Variants in SEMA3A observed in about 807,000 individuals in gnomAD.
The protein encoded by SEMA3A is semaphorin-3A.
In SEMA3A, 29 loss-of-function variants were observed where a neutral mutation model predicts 97.9. That is an observed-to-expected ratio of 0.30 (90% CI 0.22 to 0.40). The LOEUF (loss-of-function observed/expected upper bound fraction) is 0.40. Among genes scored for constraint, SEMA3A ranks in the 10% least tolerant of loss-of-function variants. The pLI, the probability that SEMA3A is intolerant of heterozygous loss-of-function variation, is 1.00. For synonymous variants in SEMA3A, 321 were observed against 323.7 expected (o/e 0.99, Z 0.09); for missense variants, 763 against 951.3 (o/e 0.80, Z 2.60).
chr7:84,092,872 T>C (rs1292142045), intron 4 of SEMA3A, among the ~76,000 whole-genome samples: 1 of 152,114 alleles, frequency 6.6e-6, no homozygotes, highest in East Asian at 1.9e-4. Flanking sequence ...GTGTAAATGT[T>C]ATTATGAAGA....
intron 2 of SEMA3A, among the ~76,000 whole-genome samples, chr7:84,366,830 C>A (rs192181068): frequency 1.1e-4 from 16 of 151,418 alleles, no homozygotes; most frequent in Admixed American, 1.3e-4. Context: ...TATTCCAACA[C>A]TAACCATATA....
intron 1 of SEMA3A, among the ~76,000 whole-genome samples, chr7:84,429,846 A>G (rs1438446764): frequency 6.6e-6 from 1 of 151,724 alleles, no homozygotes; most frequent in Admixed American, 6.6e-5. Flanking sequence ...GAGGAAGAAA[A>G]TGAGGCAGGA....
intron 4 of SEMA3A, among the ~76,000 whole-genome samples, chr7:84,095,865 G>A (rs1012372013): frequency 8.6e-5 from 13 of 151,442 alleles, no homozygotes; most frequent in African/African-American, 3.1e-4. Context: ...CTAAAGTATT[G>A]AAACAATATT....
intron 1 of SEMA3A, among the ~76,000 whole-genome samples, chr7:84,410,305 G>A (rs868154016): frequency 6.6e-6 from 1 of 151,902 alleles, no homozygotes; most frequent in Admixed American, 6.6e-5. Context: ...TGAGAATTGA[G>A]TGCAGTTTTT....
At chr7:84,350,877 T>C (rs1453014979) in intron 2 of SEMA3A, among the ~76,000 whole-genome samples, 2 of 152,284 alleles carry the variant, frequency 1.3e-5, no homozygotes, top group African/African-American at 2.4e-5. Context: ...ATAGTTAACA[T>C]GATTGGTCCT....
intron 3 of SEMA3A, among the ~76,000 whole-genome samples, chr7:84,220,369 G>A (rs1438660672): frequency 6.6e-6 from 1 of 152,038 alleles, no homozygotes; most frequent in Non-Finnish European, 1.5e-5. Context: ...CATGAGGATT[G>A]GAATCGACTT....
chr7:83,990,103 G>A (rs1484340918), intron 12 of SEMA3A, among the ~76,000 whole-genome samples: 1 of 151,824 alleles, frequency 6.6e-6, no homozygotes, highest in Non-Finnish European at 1.5e-5. Flanking sequence ...TTTTTTGGCT[G>A]CATAAATATC....
intron 3 of SEMA3A, among the ~76,000 whole-genome samples, chr7:84,305,238 TAAA>T (rs752314875): frequency 6.8e-5 from 8 of 118,158 alleles, no homozygotes; most frequent in Admixed American, 8.8e-5. Context: ...TTACTTCCAG[TAAA>T]AAAAAAAAAA....
chr7:84,256,853 C>A (rs1009045013), intron 3 of SEMA3A, among the ~76,000 whole-genome samples: 2 of 152,068 alleles, frequency 1.3e-5, no homozygotes, highest in Non-Finnish European at 2.9e-5. Flanking sequence ...GATGGCCAAG[C>A]ATTACTTCTT....
intron 1 of SEMA3A, among the ~76,000 whole-genome samples, chr7:84,191,255 T>C (rs905858687): frequency 6.9e-6 from 1 of 144,316 alleles, no homozygotes; most frequent in African/African-American, 2.5e-5. Flanking sequence ...CTTTAGAAAA[T>C]AGAAAAAAGA....
chr7:84,132,426 A>C (rs2116033378), intron 2 of SEMA3A, among the ~76,000 whole-genome samples: 1 of 152,088 alleles, frequency 6.6e-6, no homozygotes, highest in East Asian at 1.9e-4. Context: ...TAATTTGATT[A>C]TTTTCAGTTT....
At chr7:84,137,273 T>C (rs930028635) in intron 1 of SEMA3A, among the ~76,000 whole-genome samples, 2 of 151,376 alleles carry the variant, frequency 1.3e-5, no homozygotes, top group Non-Finnish European at 2.9e-5. Context: ...TGATGGCGGG[T>C]GCCTGTAATC....
intron 2 of SEMA3A, among the ~76,000 whole-genome samples, chr7:84,322,725 C>T (rs561180168): frequency 1.3e-5 from 2 of 152,154 alleles, no homozygotes; most frequent in East Asian, 3.9e-4. Context: ...TCATTAGCAG[C>T]GTGAGAACAG....
Position 84,303,053 on chromosome 7 carries a change from G to A in SEMA3A, c.-83+4154C>T, listed in dbSNP as rs1444994097. On this transcript the variant is annotated intron_variant, in intron 3 of 3. Transcript: ENST00000424555. ...AACTACTCCATCTGAATTTGAAGTT[G>A]GACTTGTGCAAACATGCAATGAAGT... Among the ~76,000 whole-genome samples, 5 of 152,160 alleles carry A rather than the reference G, an allele frequency of 3.3e-5. No individual in the cohort carries two copies. The East Asian group carries it at 7.7e-4, about 23-fold the overall frequency.
chr7:84,196,403 G>A (rs1469472942), upstream of SEMA3A, among the ~76,000 whole-genome samples: 2 of 149,314 alleles, frequency 1.3e-5, no homozygotes, highest in Non-Finnish European at 3.0e-5. Flanking sequence ...CTCTGCCGTT[G>A]GATGTGTGGC....
chr7:84,027,096 C>T (rs771153608), intron 6 of SEMA3A, among the ~76,000 whole-genome samples: 1 of 151,938 alleles, frequency 6.6e-6, no homozygotes, highest in Non-Finnish European at 1.5e-5. Flanking sequence ...CAATATTTTA[C>T]AATATTTACA....
intron 3 of SEMA3A, among the ~76,000 whole-genome samples, chr7:84,262,094 G>A (rs912274788): frequency 2.2e-5 from 2 of 90,722 alleles, no homozygotes; most frequent in Non-Finnish European, 4.8e-5. Flanking sequence ...TAAGTTTAAT[G>A]ACACTTTTTT....
chr7:84,171,822 T>C (rs1157524679), intron 1 of SEMA3A, among the ~76,000 whole-genome samples: 4 of 152,174 alleles, frequency 2.6e-5, no homozygotes, highest in Non-Finnish European at 5.9e-5. Flanking sequence ...TACTAAAAAT[T>C]ACATTTTATT....
intron 4 of SEMA3A, among the ~76,000 whole-genome samples, chr7:84,079,109 A>T (rs913413780): frequency 1.3e-5 from 2 of 152,212 alleles, no homozygotes; most frequent in Non-Finnish European, 2.9e-5. Context: ...ATAAACAATT[A>T]TAATTACATT....
Sources: gnomAD v4.1 joint callset for allele counts (sites outside exome capture counted in the v4.1 genomes callset) on GRCh38, gnomAD v4.1.1 for gene constraint, MANE v1.5 for transcripts, NCBI Gene and HGNC (gene_info 2026-07-23, HGNC 2026-07-21) for gene names.